The following PAX7 variants were observed in gnomAD, a reference collection of about 807,000 sequenced individuals.
The protein encoded by PAX7 is paired box 7.
In PAX7, 18 loss-of-function variants were observed where a neutral mutation model predicts 50.7. The observed-to-expected ratio is 0.36, with a 90% CI of 0.25 to 0.53. The LOEUF is 0.53. Among genes scored for constraint, PAX7 ranks in the 20% least tolerant of loss-of-function variants. The pLI is 0.93. For missense variants in PAX7, 644 were observed against 702.9 expected (o/e 0.92, Z 0.95); for synonymous variants, 310 against 290.4 (o/e 1.07, Z -0.69).
At chr1:18,729,924 A>T (rs915585408) in intron 7 of PAX7, among the ~76,000 whole-genome samples, 1 of 152,140 alleles carries the variant, frequency 6.6e-6, no homozygotes, top group African/African-American at 2.4e-5. Context: ...GTTGGCCCCC[A>T]TGGGAGAAAA....
At chr1:18,692,042 C>A in intron 5 of PAX7, 89 bp downstream of exon 5, 1 of 1,260,190 alleles carries the variant, frequency 7.9e-7, no homozygotes, top group Non-Finnish European at 1.1e-6. Flanking sequence ...TTTAATGGGA[C>A]CCCTCGGGGG....
At chr1:18,668,875 C>T in intron 4 of PAX7, among the ~76,000 whole-genome samples, 1 of 152,252 alleles carries the variant, frequency 6.6e-6, no homozygotes. Flanking sequence ...TGGTTTGAGG[C>T]AGGCGGGTGT....
Position 18,700,512 on chromosome 1 carries a change from G to A in PAX7, c.787-141G>A, listed in dbSNP as rs553013769. 1.3e-5 allele frequency: 9 copies of A among 709,870 alleles called. No homozygotes were observed. The highest frequency in any genetic ancestry group is 3.7e-5 in the African/African-American group (2 of 54,274). 44.0% of individuals were successfully genotyped at this position (709,870 alleles called of 1,614,324 possible). A position where few individuals can be genotyped will look rare whatever the true frequency, so the allele number is the denominator to read the frequency against. The stretch of plus-strand genomic sequence containing the variant: ...ATGAAATCACTCTGCAAAGCGTCCT[G>A]TGCTGCACAATGCCGGGGCCTGCAG... On this transcript the variant is annotated intron_variant, in intron 5 of 8. Transcript: ENST00000420770. This position sits in a 1 kb window ranked among gnomAD's most constrained non-coding sequence, Gnocchi z 4.8.
chr1:18,744,137 G>A (rs554864512), intron 8 of PAX7, among the ~76,000 whole-genome samples: 5 of 152,224 alleles, frequency 3.3e-5, no homozygotes, highest in East Asian at 3.9e-4. Context: ...CTTTGGCCTC[G>A]CAGCAAAGGT....
In PAX7 at chr1:18,742,153, T is replaced by A. The variant is rs2841043; in HGVS notation, c.1403-2661T>A. ...TCCCTCTAAGAATGAGGCTTCTTTT[T>A]TTTTTTTTTTTTTTTTTTTTTTGAG... On this transcript the variant is annotated intron_variant, in intron 8 of 8. Coordinates refer to ENST00000420770, the MANE Select transcript of PAX7 (RefSeq NM_001135254.2). 5.3e-4 allele frequency among the ~76,000 whole-genome samples: 30 copies of A among 57,092 alleles called. 1 individual carries two copies. The East Asian group carries it at 8.3e-3, about 16-fold the overall frequency. 37.5% of individuals were successfully genotyped at this position (57,092 alleles called of 152,430 possible).
intron 7 of PAX7, among the ~76,000 whole-genome samples, chr1:18,718,973 G>C (rs1008228814): frequency 2.0e-5 from 3 of 152,122 alleles, no homozygotes; most frequent in African/African-American, 7.2e-5. Flanking sequence ...AGGTTGGGGG[G>C]AGTGTCTGCT....
intron 7 of PAX7, among the ~76,000 whole-genome samples, chr1:18,721,330 AC>A (rs1269955316): frequency 6.6e-6 from 1 of 151,482 alleles, no homozygotes; most frequent in Non-Finnish European, 1.5e-5. Context: ...TAATGTCCCC[AC>A]CCCCAAGGCC....
At position 18,745,644 on chromosome 1, in the gene PAX7, G is replaced by A. The variant is rs1931409655; in HGVS notation, c.*715G>A. 1 of 231,078 alleles carries A rather than the reference G, an allele frequency of 4.3e-6. No homozygotes were observed. The highest frequency in any genetic ancestry group is 6.1e-5 in the East Asian group (1 of 16,288). 14.3% of individuals were successfully genotyped at this position (231,078 alleles called of 1,614,324 possible). On this transcript the variant is annotated 3_prime_UTR_variant, in exon 9 of 9. Transcript: ENST00000420770. ...GCTTAACCAGAGGGTAGGGGCACATGGGGGTGGGGCTTGTCAGCCGTGGGC... is the reference window on the plus strand; with the variant it reads ...GCTTAACCAGAGGGTAGGGGCACATAGGGGTGGGGCTTGTCAGCCGTGGGC...
chr1:18,723,898 G>A (rs1301175218), intron 7 of PAX7, among the ~76,000 whole-genome samples: 4 of 152,196 alleles, frequency 2.6e-5, no homozygotes, highest in Non-Finnish European at 5.9e-5. Flanking sequence ...CTTTAGCAGC[G>A]TCTGTCCTCC....
Position 18,735,900 on chromosome 1 carries a change from C to A in PAX7, c.1402+22C>A. ...CAGAGTGAGTGCCTGGTGCCCTGGG[C>A]GTCCCCCGTCCCCATTCCTTCTCCC... On this transcript the variant is annotated intron_variant, in intron 8 of 8. Transcript: ENST00000420770. This position sits in a 1 kb window ranked among gnomAD's most constrained non-coding sequence, Gnocchi z 4.0. The A allele has an allele frequency of 6.2e-7, 1 of 1,614,002 alleles. No individual in the cohort carries two copies.
intron 4 of PAX7, among the ~76,000 whole-genome samples, chr1:18,682,347 T>C (rs1402124930): frequency 3.3e-5 from 5 of 152,122 alleles, no homozygotes; most frequent in Admixed American, 2.0e-4. Context: ...GAGGCCTAGG[T>C]TCTGGTTAGG....
At chr1:18,702,969 G>A in intron 6 of PAX7, 125 bp from the exon 7 acceptor site, 1 of 845,774 alleles carries the variant, frequency 1.2e-6, no homozygotes, top group South Asian at 1.7e-5. Context: ...GCATGAGAGG[G>A]TGGTCCCTTC....
chr1:18,687,327 T>C (rs1044558991), intron 4 of PAX7, among the ~76,000 whole-genome samples: 1 of 152,068 alleles, frequency 6.6e-6, no homozygotes, highest in Non-Finnish European at 1.5e-5. Flanking sequence ...ACCACACAGC[T>C]AGGGAAAGAC....
rs1296292884 is a variant in PAX7 at position 18,726,040 on chromosome 1, G to A, written c.1156-9592G>A. The stretch of plus-strand genomic sequence containing the variant: ...TGTGTGTGCGTGTGTTTGTGTGTGT[G>A]TGTGTCTTTGACTTCTTGGACAATA... On this transcript the variant is annotated intron_variant, in intron 7 of 8. Coordinates refer to ENST00000420770, the MANE Select transcript of PAX7 (RefSeq NM_001135254.2). This position sits in a 1 kb window ranked among gnomAD's most constrained non-coding sequence, Gnocchi z 4.8. Among the ~76,000 whole-genome samples the A allele has an allele frequency of 6.6e-6, 1 of 152,144 alleles. No homozygotes were observed. The highest frequency in any genetic ancestry group is 2.4e-5 in the African/African-American group (1 of 41,406).
rs768750829 is a variant in PAX7 at position 18,726,073 on chromosome 1, T to C, written c.1156-9559T>C. On this transcript the variant is annotated intron_variant, in intron 7 of 8. Coordinates refer to ENST00000420770, the MANE Select transcript of PAX7 (RefSeq NM_001135254.2). This position sits in a 1 kb window ranked among gnomAD's most constrained non-coding sequence, Gnocchi z 4.8. ...TTGACTTCTTGGACAATAAGTGGAATGCCATTCTGTTCCTCCCTCCGCCCC... is the reference window on the plus strand; with the variant it reads ...TTGACTTCTTGGACAATAAGTGGAACGCCATTCTGTTCCTCCCTCCGCCCC... Among the ~76,000 whole-genome samples the C allele has an allele frequency of 6.6e-6, 1 of 150,916 alleles. No individual in the cohort carries two copies. The highest frequency in any genetic ancestry group is 1.5e-5 in the Non-Finnish European group (1 of 67,698).
At position 18,636,655 on chromosome 1, in the gene PAX7, C is replaced by T. The variant is rs1009444599; in HGVS notation, c.586+284C>T. Among the ~76,000 whole-genome samples the T allele has an allele frequency of 1.3e-5, 2 of 152,188 alleles. No individual in the cohort carries two copies. The highest frequency in any genetic ancestry group is 3.9e-4 in the East Asian group (2 of 5,174). ...GAGAGCCCGGCTGCGGGGCTGCGCG[C>T]CTGGTCTACCCCAATACTGCGGGGA... On this transcript the variant is annotated intron_variant, in intron 4 of 8. Coordinates refer to ENST00000420770, the MANE Select transcript of PAX7 (RefSeq NM_001135254.2). The surrounding 1 kb of genome is among the most constrained non-coding windows in gnomAD (Gnocchi z 5.1).
At chr1:18,711,316 C>G (rs2089348760) in intron 7 of PAX7, among the ~76,000 whole-genome samples, 1 of 152,146 alleles carries the variant, frequency 6.6e-6, no homozygotes, top group South Asian at 2.1e-4. Context: ...AGGGAAAATT[C>G]AAATTAGGTG....
chr1:18,714,248 C>A (rs904391641), intron 7 of PAX7, among the ~76,000 whole-genome samples: 27 of 107,268 alleles, frequency 2.5e-4, no homozygotes, highest in Admixed American at 2.4e-3. Context: ...TATACAAAAA[C>A]AAATTCTAGC....
At chr1:18,687,440 G>A (rs968797807) in intron 4 of PAX7, among the ~76,000 whole-genome samples, 17 of 152,036 alleles carry the variant, frequency 1.1e-4, no homozygotes, top group African/African-American at 3.4e-4. Context: ...GTCCCTTCCC[G>A]CCAATCCCTC....
Sources: gnomAD v4.1 joint callset for allele counts (sites outside exome capture counted in the v4.1 genomes callset) on GRCh38, gnomAD v4.1.1 for gene constraint, Gnocchi (gnomAD v3.1) non-coding constraint, MANE v1.5 for transcripts, NCBI Gene and HGNC (gene_info 2026-07-23, HGNC 2026-07-21) for gene names.